The following FCHO2 variants were observed in gnomAD, a reference collection of about 807,000 sequenced individuals.
FCHO2 encodes the protein F-BAR domain only protein 2.
FCHO2 carries 43 observed loss-of-function variants against 114.1 expected under a neutral mutation model. That is an observed-to-expected ratio of 0.38 (90% confidence interval 0.30 to 0.49). The LOEUF is 0.49. Among genes scored for constraint, FCHO2 ranks in the 20% least tolerant of loss-of-function variants. FCHO2 has a pLI of 0.97. For missense variants in FCHO2, 807 were observed against 950.4 expected, an observed-to-expected ratio of 0.85 and a Z score of 1.98; for synonymous variants, 293 against 315.2, an observed-to-expected ratio of 0.93 and a Z score of 0.75.
At chr5:73,010,749 C>T (rs554211589) in intron 6 of FCHO2, among the ~76,000 whole-genome samples, 19 of 151,746 alleles carry the variant, frequency 1.3e-4, no homozygotes, top group South Asian at 4.2e-4. Context: ...TGGTGGTGCA[C>T]GCCTATAATC....
chr5:72,991,431 G>A (rs1279402986), intron 5 of FCHO2, among the ~76,000 whole-genome samples: 2 of 152,164 alleles, frequency 1.3e-5, no homozygotes, highest in Admixed American at 6.5e-5. Context: ...CATAATTGAG[G>A]TAATTACTTT....
intron 6 of FCHO2, among the ~76,000 whole-genome samples, chr5:73,011,159 T>C (rs1754988167): frequency 6.6e-6 from 1 of 152,172 alleles, no homozygotes; most frequent in Non-Finnish European, 1.5e-5. Flanking sequence ...TGGAAGTTGC[T>C]CTGGTTGAGT....
At chr5:73,065,193 A>G (rs977230900) in intron 18 of FCHO2, among the ~76,000 whole-genome samples, 19 of 152,074 alleles carry the variant, frequency 1.2e-4, no homozygotes, top group African/African-American at 4.6e-4. Flanking sequence ...GGAGAAGGTT[A>G]TTATTTAAGT....
chr5:72,965,349 A>T (rs1752143008), intron 1 of FCHO2, among the ~76,000 whole-genome samples: 1 of 152,224 alleles, frequency 6.6e-6, no homozygotes, highest in Non-Finnish European at 1.5e-5. Flanking sequence ...TAAATGTGCA[A>T]TAGCATTTTA....
At chr5:73,054,086 A>C in intron 13 of FCHO2, 74 bp from the exon 14 acceptor site, 1 of 1,158,446 alleles carries the variant, frequency 8.6e-7, no homozygotes, top group Non-Finnish European at 1.2e-6. Flanking sequence ...ATAGGGAATG[A>C]TAAATTATTA....
At position 73,088,164 on chromosome 5, in the gene FCHO2, T is replaced by G; in HGVS notation, c.*74T>G. 1 of 1,574,238 alleles carries G rather than the reference T, an allele frequency of 6.4e-7. No homozygotes were observed. The highest frequency in any genetic ancestry group is 8.7e-7 in the Non-Finnish European group (1 of 1,152,732). ...TGCATTATCTGTTCTTTCCAAACAC[T>G]ATTTTAACTTGTATGATGTCTTTCA... is the stretch of plus-strand genomic sequence containing the variant. On this transcript the variant is annotated 3_prime_UTR_variant, in exon 26 of 26. Coordinates refer to ENST00000430046, the MANE Select transcript of FCHO2 (RefSeq NM_138782.3).
At chr5:73,075,080 G>C (rs1471530843) in intron 20 of FCHO2, among the ~76,000 whole-genome samples, 1 of 152,048 alleles carries the variant, frequency 6.6e-6, no homozygotes, top group Non-Finnish European at 1.5e-5. Flanking sequence ...CTAAGACTCT[G>C]TTACATGTGC....
At chr5:73,019,041 G>A (rs1755466909) in intron 8 of FCHO2, among the ~76,000 whole-genome samples, 1 of 152,194 alleles carries the variant, frequency 6.6e-6, no homozygotes, top group Non-Finnish European at 1.5e-5. Context: ...TGGCAGAAAA[G>A]TTGCTGTGGC....
At chr5:72,998,602 G>T (rs1205213182) in intron 5 of FCHO2, among the ~76,000 whole-genome samples, 1 of 151,728 alleles carries the variant, frequency 6.6e-6, no homozygotes. Context: ...AAATGTCTAT[G>T]ATCTAAATTA....
chr5:73,046,253 G>C (rs1757051305), intron 11 of FCHO2, among the ~76,000 whole-genome samples: 1 of 152,078 alleles, frequency 6.6e-6, no homozygotes, highest in Non-Finnish European at 1.5e-5. Context: ...TTTGAGTAGA[G>C]ACAAGGTCTT....
Position 73,028,646 on chromosome 5 carries a change from C to CTTT in FCHO2, c.797-5992_797-5990dup, listed in dbSNP as rs1177312773. ...AAATAAGAATACATATTATATGATT[C>CTTT]TTTTTTTTTTTTTTTTTTTTTGTGA... is the stretch of plus-strand genomic sequence containing the variant. On this transcript the variant is annotated intron_variant, in intron 8 of 25. Transcript: ENST00000430046. Among the ~76,000 whole-genome samples the CTTT allele has an allele frequency of 6.2e-3, 700 of 112,172 alleles. 2 individuals carry two copies. Among genetic ancestry groups the CTTT allele is most frequent in the East Asian group, 0.011 (36 of 3,420 alleles). 73.6% of individuals were successfully genotyped at this position (112,172 alleles called of 152,430 possible).
intron 5 of FCHO2, among the ~76,000 whole-genome samples, chr5:73,000,629 G>A (rs1754383753): frequency 6.6e-6 from 1 of 151,654 alleles, no homozygotes; most frequent in Non-Finnish European, 1.5e-5. Flanking sequence ...TACAAAATTA[G>A]CCAGGCGTGG....
At chr5:72,997,071 C>A in intron 5 of FCHO2, 1 of 1,267,142 alleles carries the variant, frequency 7.9e-7, no homozygotes, top group Non-Finnish European at 1.2e-6. Context: ...TCTTCTTGTC[C>A]TGGAATCAGC....
chr5:73,060,023 T>C (rs1757781059), intron 17 of FCHO2, among the ~76,000 whole-genome samples: 1 of 152,014 alleles, frequency 6.6e-6, no homozygotes, highest in East Asian at 1.9e-4. Context: ...TTTATTTATA[T>C]AGAAATTTCT....
chr5:73,051,921 G>A (rs1757356527), intron 12 of FCHO2, among the ~76,000 whole-genome samples: 1 of 151,488 alleles, frequency 6.6e-6, no homozygotes, highest in Admixed American at 6.6e-5. Context: ...GTTAAGGTCT[G>A]TTTTTCTCTT....
intron 6 of FCHO2, among the ~76,000 whole-genome samples, chr5:73,007,572 C>G (rs1754786523): frequency 6.6e-6 from 1 of 152,090 alleles, no homozygotes; most frequent in Non-Finnish European, 1.5e-5. Flanking sequence ...TTATGTCTTC[C>G]CATTTGAAGT....
intron 17 of FCHO2, among the ~76,000 whole-genome samples, chr5:73,060,184 G>A (rs890890772): frequency 4.6e-5 from 7 of 151,854 alleles, no homozygotes; most frequent in Non-Finnish European, 1.0e-4. Context: ...TTTTCATTTA[G>A]TGGTCATTGA....
At chr5:73,028,579 T>C (rs534850985) in intron 8 of FCHO2, among the ~76,000 whole-genome samples, 61 of 151,726 alleles carry the variant, frequency 4.0e-4, no homozygotes, top group African/African-American at 1.4e-3. Flanking sequence ...ATTACATGGA[T>C]GAATCTCAAA....
intron 19 of FCHO2, 80 bp downstream of exon 19, chr5:73,068,859 G>A: frequency 7.1e-7 from 1 of 1,408,766 alleles, no homozygotes; most frequent in Non-Finnish European, 9.4e-7. Flanking sequence ...TTTTTAAATG[G>A]GCTAATGAAG....
Sources: allele counts gnomAD v4.1 joint callset (sites outside exome capture counted in the v4.1 genomes callset), GRCh38; gene constraint gnomAD v4.1.1; transcripts MANE v1.5; gene names NCBI Gene and HGNC (gene_info 2026-07-23, HGNC 2026-07-21).